The following LATS2 variants were observed in gnomAD, a reference collection of about 807,000 sequenced individuals.
The protein encoded by LATS2 is large tumor suppressor kinase 2, also known as serine/threonine-protein kinase LATS2.
Under a neutral mutation model 76.0 loss-of-function variants are expected in LATS2, and 24 were observed. The ratio of observed to expected loss-of-function variants is 0.32; its 90% CI spans 0.23 to 0.44. The LOEUF (loss-of-function observed/expected upper bound fraction) is 0.44, where lower values mean the gene tolerates loss of function less well. LATS2 is among the 20% of genes least tolerant of loss of function. LATS2 has a pLI of 1.00. For synonymous variants in LATS2, 692 were observed against 635.4 expected, an observed-to-expected ratio of 1.09 and a Z score of -1.34; for missense variants, 1,286 against 1,481.2, an observed-to-expected ratio of 0.87 and a Z score of 2.16.
In LATS2 at chr13:20,983,411, C is replaced by A; in HGVS notation, c.2295G>T (p.Glu765Asp). 1 of 1,614,068 alleles carries A rather than the reference C, an allele frequency of 6.2e-7. No individual in the cohort carries two copies. Among genetic ancestry groups the A allele is most frequent in the Non-Finnish European group, 8.5e-7 (1 of 1,180,024 alleles). ...SLLIRMEVFP[E>D]HLARFYIAEL... ...CTGCGATGTAGAACCGGGCCAGGTG[C>A]TCAGGGAAGACCTCCATCCGGATCA... is the stretch of plus-strand genomic sequence containing the variant. Residue 765 changes from glutamate (E) to aspartate (D), a missense_variant, in exon 5 of 8, where the codon GAG (glutamate) becomes GAT (aspartate). By Grantham distance (45) the Glu-to-Asp change is conservative. Around this residue, in one of 5 missense-constraint regions of LATS2, gnomAD observed 247 missense variants for 385.4 expected, o/e 0.64. Transcript: ENST00000382592.
At chr13:21,026,978 A>T (rs1036515713) in intron 2 of LATS2, among the ~76,000 whole-genome samples, 1 of 152,076 alleles carries the variant, frequency 6.6e-6, no homozygotes, top group African/African-American at 2.4e-5. Flanking sequence ...ATGATGAATG[A>T]TGTTGCTTAT....
chr13:20,974,765 A>T lies in LATS2; in HGVS notation c.*105T>A. ...TTTCAAGTGAAGTAATCGACGGACT[A>T]ATTTAAAACAAAACAGCCCTCGGCT... On this transcript the variant is annotated 3_prime_UTR_variant, in exon 8 of 8. Coordinates refer to ENST00000382592, the MANE Select transcript of LATS2 (RefSeq NM_014572.3). The T allele has an allele frequency of 8.2e-7, 1 of 1,222,824 alleles. No individual in the cohort carries two copies. Among genetic ancestry groups the T allele is most frequent in the Non-Finnish European group, 1.1e-6 (1 of 880,158 alleles). The allele number at this position is 1,222,824 out of a possible 1,614,324, so 75.7% of individuals were successfully genotyped here.
At chr13:21,060,458 C>G (rs1226347775) in intron 1 of LATS2, among the ~76,000 whole-genome samples, 1 of 152,250 alleles carries the variant, frequency 6.6e-6, no homozygotes, top group African/African-American at 2.4e-5. Context: ...GCTCCTGCGC[C>G]TCGGGCCGCG....
chr13:21,050,747 C>A (rs1260319565), intron 1 of LATS2, among the ~76,000 whole-genome samples: 1 of 152,224 alleles, frequency 6.6e-6, no homozygotes, highest in Non-Finnish European at 1.5e-5. Flanking sequence ...TGCTTACCAT[C>A]GCCGTGCCAA....
chr13:21,020,093 G>A (rs193006365), intron 2 of LATS2, among the ~76,000 whole-genome samples: 19 of 152,198 alleles, frequency 1.2e-4, no homozygotes, highest in African/African-American at 4.1e-4. Flanking sequence ...TTGAAGGAGA[G>A]TGGATGTACA....
chr13:20,976,297 T>C (rs1448972268), intron 7 of LATS2, among the ~76,000 whole-genome samples: 2 of 152,220 alleles, frequency 1.3e-5, no homozygotes, highest in East Asian at 3.9e-4. Context: ...GGTGGTAGGC[T>C]TGGTTTGAAC....
Position 20,988,295 on chromosome 13 carries a change from G to C in LATS2, c.1485C>G (p.Gly495=). Residue 495 remains glycine (G), a synonymous_variant, in exon 4 of 8, where the codon GGC becomes GGG. Coordinates refer to ENST00000382592, the MANE Select transcript of LATS2 (RefSeq NM_014572.3). ...DAKEEHALAL[G]GAGAFPLDVE... ...CGTCCAGCGGGAAGGCGCCTGCGCC[G>C]CCCAGCGCCAGGGCATGCTCCTCCT... The C allele has an allele frequency of 6.3e-7, 1 of 1,576,932 alleles. No individual in the cohort carries two copies. Among genetic ancestry groups the C allele is most frequent in the Non-Finnish European group, 8.5e-7 (1 of 1,170,492 alleles).
At chr13:20,983,937 T>C (rs1406842211) in intron 4 of LATS2, 131 bp from the exon 5 acceptor site, 1 of 697,790 alleles carries the variant, frequency 1.4e-6, no homozygotes, top group Non-Finnish European at 2.4e-6. Context: ...CAGAGAAGAA[T>C]GGGTCTCATA....
In LATS2 at chr13:20,975,344, C is replaced by G. The variant is rs55652534; in HGVS notation, c.2793G>C (p.Thr931=). The G allele has an allele frequency of 1.2e-4, 195 of 1,569,098 alleles. No individual in the cohort carries two copies. Among genetic ancestry groups the G allele is most frequent in the Non-Finnish European group, 1.7e-4 (193 of 1,158,444 alleles). The change falls in exon 8 of 8, where the codon ACG becomes ACC. Residue 931 remains threonine, a synonymous_variant. Transcript: ENST00000382592. ...GCTTCACCTGGGCTGGAATGTGGAG[C>G]GTGTTCTCCCAGTTGATCACCTGAG... ...TQLKVINWEN[T]LHIPAQVKLS...
At chr13:21,044,202 A>G (rs1185623931) in intron 2 of LATS2, among the ~76,000 whole-genome samples, 1 of 152,250 alleles carries the variant, frequency 6.6e-6, no homozygotes, top group Non-Finnish European at 1.5e-5. Context: ...AGCCCTCTAT[A>G]AAACAGCAGG....
intron 2 of LATS2, among the ~76,000 whole-genome samples, chr13:21,004,958 C>T (rs931760099): frequency 3.9e-5 from 6 of 152,160 alleles, no homozygotes; most frequent in African/African-American, 9.7e-5. Flanking sequence ...AGACCAGCCC[C>T]GGCGTTCTAA....
Position 20,988,241 on chromosome 13 carries a change from G to A in LATS2, c.1539C>T (p.Cys513=). ...GGTGCTTCGGGTAGGGCGGAGGCGG[G>A]CACCTCCGGTCTGGGCCTCCGTACT... The part of the protein sequence containing the change: ...DVEYGGPDRR[C]PPPPYPKHLL... Residue 513 remains cysteine, a synonymous_variant, in exon 4 of 8, where the codon TGC becomes TGT. Transcript: ENST00000382592. 1.9e-6 allele frequency: 3 copies of A among 1,603,564 alleles called. No individual in the cohort carries two copies. Among genetic ancestry groups the A allele is most frequent in the Non-Finnish European group, 8.5e-7 (1 of 1,178,996 alleles).
chr13:21,059,910 A>C (rs1052827532), intron 1 of LATS2, among the ~76,000 whole-genome samples: 8 of 152,086 alleles, frequency 5.3e-5, no homozygotes, highest in Non-Finnish European at 8.8e-5. Flanking sequence ...GGTTGCAGTG[A>C]GCCGAGATCG....
chr13:21,029,522 G>A (rs569091872), intron 2 of LATS2, among the ~76,000 whole-genome samples: 11 of 152,236 alleles, frequency 7.2e-5, no homozygotes, highest in Non-Finnish European at 1.0e-4. Flanking sequence ...GTCGGGTGCG[G>A]TGGCTCATGC....
chr13:20,983,337 C>T lies in LATS2; in HGVS notation c.2369G>A (p.Arg790Gln). 1 of 1,614,048 alleles carries T rather than the reference C, an allele frequency of 6.2e-7. No individual in the cohort carries two copies. The highest frequency in any genetic ancestry group is 8.5e-7 in the Non-Finnish European group (1 of 1,180,002). The change falls in exon 5 of 8, where the codon CGA (arginine) becomes CAA (glutamine). Residue 790 changes from arginine (R) to glutamine (Q), a missense_variant. Physicochemically the swap from Arg to Gln is conservative, Grantham distance 43. Transcript: ENST00000382592. ...CAAAATGTTATCAGGCTTGATGTCT[C>T]GGTGGATGAAGCCCATCTTGTGGAC... ...ESVHKMGFIH[R>Q]DIKPDNILID...
intron 6 of LATS2, among the ~76,000 whole-genome samples, chr13:20,981,106 G>C (rs1869852911): frequency 1.3e-5 from 2 of 152,216 alleles, no homozygotes; most frequent in Non-Finnish European, 2.9e-5. Flanking sequence ...AGAAGTTAAA[G>C]CTAGAGCCCG....
At chr13:21,001,794 G>C (rs1428060822) in intron 2 of LATS2, among the ~76,000 whole-genome samples, 1 of 152,082 alleles carries the variant, frequency 6.6e-6, no homozygotes, top group East Asian at 1.9e-4. Context: ...CAGAAGAATT[G>C]CTTGAACCTG....
In LATS2 at chr13:20,981,458, G is replaced by C; in HGVS notation, c.2665+8C>G. On this transcript the variant is annotated splice_region_variant and intron_variant, in intron 6 of 7. Transcript: ENST00000382592. ...CTCCTGCGGGGTGGCTGGCCATGGC[G>C]CATGTACCTTTGCGGAGGAGCACCT... 1 of 1,611,014 alleles carries C rather than the reference G, an allele frequency of 6.2e-7. No homozygotes were observed. Among genetic ancestry groups the C allele is most frequent in the South Asian group, 1.1e-5 (1 of 90,718 alleles).
chr13:20,986,552 T>C (rs954413274), intron 4 of LATS2, among the ~76,000 whole-genome samples: 2 of 152,220 alleles, frequency 1.3e-5, no homozygotes, highest in Non-Finnish European at 2.9e-5. Context: ...ACACTGTTAC[T>C]GATATGTGGG....
Sources: allele counts gnomAD v4.1 joint callset (sites outside exome capture counted in the v4.1 genomes callset), GRCh38; gene constraint gnomAD v4.1.1; regional missense constraint gnomAD v4.1.1; transcripts MANE v1.5; gene names NCBI Gene and HGNC (gene_info 2026-07-23, HGNC 2026-07-21).